BMP2K: variants seen among roughly 807,000 people sequenced by gnomAD.
The protein encoded by BMP2K is BMP-2-inducible protein kinase.
Under a neutral mutation model 116.0 loss-of-function variants are expected in BMP2K, and 74 were observed. The observed-to-expected ratio is 0.64, with a 90% CI of 0.53 to 0.77. The LOEUF (loss-of-function observed/expected upper bound fraction) is 0.77, where lower values mean the gene tolerates loss of function less well. BMP2K is among the 30% of genes least tolerant of loss of function. The pLI is 0.00. For synonymous variants in BMP2K, 486 were observed against 502.5 expected (o/e 0.97, Z 0.44); for missense variants, 1,365 against 1,403.6 (o/e 0.97, Z 0.44).
rs185250505 is a variant in BMP2K, at chr4:78,896,712, A to T, written c.2062+9428A>T. On this transcript the variant is annotated intron_variant, in intron 15 of 15. Transcript: ENST00000502613. ...TTTATGGGAATTTCTAGAAGTTGTT[A>T]AATTTCTAATATTTAAACTGTTTTT... is the stretch of plus-strand genomic sequence containing the variant. 9.3e-4 allele frequency among the ~76,000 whole-genome samples: 141 copies of T among 152,346 alleles called. 2 individuals are homozygous for T. In the East Asian group the frequency reaches 0.019, roughly 21 times the overall value.
At chr4:78,798,002 A>T (rs754749356) in intron 1 of BMP2K, among the ~76,000 whole-genome samples, 13 of 152,006 alleles carry the variant, frequency 8.6e-5, no homozygotes, top group Non-Finnish European at 1.8e-4. Context: ...TTTTGTAGCA[A>T]TGGGGGGTCT....
Position 78,856,956 on chromosome 4 carries a change from A to G in BMP2K, c.884-2628A>G, listed in dbSNP as rs540605933. On this transcript the variant is annotated intron_variant, in intron 7 of 15. Coordinates refer to ENST00000502613, the MANE Select transcript of BMP2K (RefSeq NM_198892.2). ...CTTTTTTCTAGTCTAACAATTTGAC[A>G]AATCACTGTCTTTCCCACTGGGGAG... 5.5e-4 allele frequency among the ~76,000 whole-genome samples: 84 copies of G among 152,282 alleles called. 1 individual carries two copies. The highest frequency in any genetic ancestry group is 2.0e-3 in the African/African-American group (82 of 41,570).
At chr4:78,781,534 A>G (rs1351771473) in intron 1 of BMP2K, among the ~76,000 whole-genome samples, 1 of 151,716 alleles carries the variant, frequency 6.6e-6, no homozygotes, top group Non-Finnish European at 1.5e-5. Flanking sequence ...GAAGCTGGGT[A>G]TGTCGTCTGG....
Position 78,878,546 on chromosome 4 carries a change from C to A in BMP2K, c.1794-188C>A, listed in dbSNP as rs993884664. Reference sequence around the variant, plus strand: ...TGTAGGTGATTATGGAGCTAGTATACCTTATGGAGGTGATCTAGATCCCAT... The same window carrying A: ...TGTAGGTGATTATGGAGCTAGTATAACTTATGGAGGTGATCTAGATCCCAT... On this transcript the variant is annotated intron_variant, in intron 13 of 15. Coordinates refer to ENST00000502613, the MANE Select transcript of BMP2K (RefSeq NM_198892.2). 7.2e-5 allele frequency among the ~76,000 whole-genome samples: 11 copies of A among 152,074 alleles called. 1 individual carries two copies. The highest frequency in any genetic ancestry group is 2.7e-4 in the African/African-American group (11 of 41,412).
At chr4:78,865,286 G>C (rs1386850444) in intron 9 of BMP2K, among the ~76,000 whole-genome samples, 1 of 152,132 alleles carries the variant, frequency 6.6e-6, no homozygotes, top group East Asian at 1.9e-4. Context: ...CTCCTTAAGA[G>C]CAGTTTCTGG....
intron 3 of BMP2K, among the ~76,000 whole-genome samples, chr4:78,836,193 G>A (rs1041759466): frequency 1.3e-5 from 2 of 151,970 alleles, no homozygotes; most frequent in African/African-American, 2.4e-5. Context: ...TGAGGCGGGC[G>A]GATCAAGAGG....
intron 1 of BMP2K, among the ~76,000 whole-genome samples, chr4:78,805,289 G>A (rs1451173962): frequency 6.6e-6 from 1 of 152,172 alleles, no homozygotes; most frequent in Non-Finnish European, 1.5e-5. Context: ...CCTTCTACCA[G>A]TACCACACTG....
chr4:78,871,786 C>A (rs934297189), intron 11 of BMP2K, 64 bp from the exon 12 acceptor site: 3 of 1,083,374 alleles, frequency 2.8e-6, no homozygotes, highest in African/African-American at 3.1e-5. Flanking sequence ...AAGATCAATA[C>A]TTTAAAAAAG....
intron 11 of BMP2K, among the ~76,000 whole-genome samples, chr4:78,871,566 C>CT (rs982424146): frequency 6.6e-6 from 1 of 152,172 alleles, no homozygotes; most frequent in Non-Finnish European, 1.5e-5. Flanking sequence ...ACTCAGGTGT[C>CT]TTTATCTTCT....
intron 15 of BMP2K, among the ~76,000 whole-genome samples, chr4:78,907,380 G>A (rs973519383): frequency 2.0e-5 from 3 of 152,108 alleles, no homozygotes; most frequent in Admixed American, 2.0e-4. Flanking sequence ...AGAAGACTAG[G>A]GAGTACAATG....
At chr4:78,797,860 G>A (rs576244406) in intron 1 of BMP2K, among the ~76,000 whole-genome samples, 10 of 152,256 alleles carry the variant, frequency 6.6e-5, no homozygotes, top group African/African-American at 1.9e-4. Flanking sequence ...TTACTCTGTT[G>A]CCTAGGCTGG....
intron 1 of BMP2K, 133 bp downstream of exon 1, chr4:78,776,854 T>A (rs1727275108): frequency 1.1e-6 from 1 of 894,226 alleles, no homozygotes; most frequent in Admixed American, 4.6e-5. Context: ...CAGCGGGGGC[T>A]CCTAAAGAGT....
chr4:78,861,458 A>G lies in BMP2K; in HGVS notation c.1057A>G (p.Ile353Val). 6.2e-7 allele frequency: 1 copy of G among 1,608,860 alleles called. No individual in the cohort carries two copies. Among genetic ancestry groups the G allele is most frequent in the African/African-American group, 1.3e-5 (1 of 74,882 alleles). Residue 353 changes from isoleucine (I) to valine (V), a missense_variant, in exon 9 of 16, where the codon ATA (isoleucine) becomes GTA (valine). Around this residue, in one of 3 missense-constraint regions of BMP2K, gnomAD observed 762 missense variants for 756.7 expected, o/e 1.01. Coordinates refer to ENST00000502613, the MANE Select transcript of BMP2K (RefSeq NM_198892.2). ...ASEAAARKSQ[I>V]KARITDTIGP... ...TGAAGCAGCTGCTAGGAAAAGCCAA[A>G]TAAAAGCCAGGTAGGCAAAACTATG... is the stretch of plus-strand genomic sequence containing the variant.
intron 1 of BMP2K, among the ~76,000 whole-genome samples, chr4:78,791,682 A>G (rs559325340): frequency 6.6e-6 from 1 of 152,320 alleles, no homozygotes; most frequent in Admixed American, 6.5e-5. Context: ...TAGGTATCTT[A>G]TAGAAGTGGA....
Position 78,833,671 on chromosome 4 carries a change from A to T in BMP2K, c.387A>T (p.Leu129Phe). The T allele has an allele frequency of 6.2e-7, 1 of 1,603,340 alleles. No individual in the cohort carries two copies. ...ATAATGTATGGGAAGTCCTTATCTT[A>T]ATGGAATATTGTCGAGGTAAGTATT... ...ISDNVWEVLILMEYCRAGQVV... is the reference protein window; with the variant it reads ...ISDNVWEVLIFMEYCRAGQVV... Residue 129 changes from leucine to phenylalanine, a missense_variant, in exon 3 of 16, where the codon TTA becomes TTT. Physicochemically the swap from Leu to Phe is conservative, Grantham distance 22 (BLOSUM62 0). Coordinates refer to ENST00000502613, the MANE Select transcript of BMP2K (RefSeq NM_198892.2).
intron 1 of BMP2K, among the ~76,000 whole-genome samples, chr4:78,803,091 C>T (rs970142946): frequency 2.0e-5 from 3 of 151,992 alleles, no homozygotes; most frequent in African/African-American, 7.2e-5. Flanking sequence ...CTCAAGTGAT[C>T]CACCCTCCTC....
intron 1 of BMP2K, among the ~76,000 whole-genome samples, chr4:78,822,823 T>C (rs1729688427): frequency 6.6e-6 from 1 of 152,044 alleles, no homozygotes; most frequent in Admixed American, 6.6e-5. Context: ...GTGATGAACG[T>C]GAAATTGGGT....
At chr4:78,818,117 A>G (rs375659095) in intron 1 of BMP2K, among the ~76,000 whole-genome samples, 3 of 152,150 alleles carry the variant, frequency 2.0e-5, no homozygotes, top group Non-Finnish European at 4.4e-5. Flanking sequence ...TATGGTGTTT[A>G]AAAAAAGATA....
intron 13 of BMP2K, among the ~76,000 whole-genome samples, chr4:78,874,177 A>T (rs998920577): frequency 7.8e-6 from 1 of 128,742 alleles, no homozygotes; most frequent in Non-Finnish European, 1.5e-5. Context: ...ACTCCATCTC[A>T]CACACACACA....
Sources: gnomAD v4.1 joint callset for allele counts (sites outside exome capture counted in the v4.1 genomes callset) on GRCh38, gnomAD v4.1.1 for gene constraint, gnomAD v4.1.1 regional missense constraint, MANE v1.5 for transcripts, NCBI Gene and HGNC (gene_info 2026-07-23, HGNC 2026-07-21) for gene names.